STK24: variants seen among roughly 807,000 people sequenced by gnomAD.
STK24 encodes serine/threonine kinase 24.
STK24 carries 21 observed loss-of-function variants against 55.6 expected under a neutral mutation model. The observed-to-expected ratio is 0.38, with a 90% confidence interval of 0.27 to 0.54. The LOEUF (loss-of-function observed/expected upper bound fraction) is 0.54. Ranked by LOEUF, STK24 falls within the 20% of genes least tolerant of loss-of-function variation. The pLI is 0.79. For missense variants in STK24, 383 were observed against 538.4 expected (o/e 0.71, Z 2.86); for synonymous variants, 200 against 215.2 (o/e 0.93, Z 0.62).
intron 9 of STK24, among the ~76,000 whole-genome samples, chr13:98,458,938 T>C (rs112495828): frequency 2.2e-4 from 33 of 152,332 alleles, no homozygotes; most frequent in African/African-American, 7.2e-4. Flanking sequence ...CAAATATCAT[T>C]CTTAAAAATA....
intron 1 of STK24, chr13:98,553,293 G>C (rs561916379): frequency 2.0e-5 from 3 of 152,392 alleles, no homozygotes; most frequent in East Asian, 3.9e-4. Flanking sequence ...ACATGCGTTA[G>C]TGTGCAAACC....
chr13:98,522,152 T>G (rs1346197093), intron 1 of STK24: 1 of 971,510 alleles, frequency 1.0e-6, no homozygotes, highest in Non-Finnish European at 1.2e-6. Context: ...GCCCTCCCCC[T>G]CCTCTGGGTA....
intron 2 of STK24, among the ~76,000 whole-genome samples, chr13:98,487,075 A>G (rs1354597118): frequency 6.6e-6 from 1 of 152,150 alleles, no homozygotes; most frequent in African/African-American, 2.4e-5. Context: ...GGCCCAATTA[A>G]CAATTCTAAG....
chr13:98,503,024 G>GTT lies in STK24; in HGVS notation c.273+16217_273+16218dup, dbSNP rs398038978. On this transcript the variant is annotated intron_variant, in intron 2 of 10. Coordinates refer to ENST00000539966, the MANE Select transcript of STK24 (RefSeq NM_001032296.4). ...AATATATTAGAAATACTTTCCATGT[G>GTT]TTTTTTTTTTTTTTTTTCAGTATGG... Among the ~76,000 whole-genome samples, 561 of 107,038 alleles carry GTT rather than the reference G, an allele frequency of 5.2e-3. 20 individuals are homozygous for GTT. The highest frequency in any genetic ancestry group is 0.01 in the East Asian group (42 of 4,112). The allele number at this position is 107,038 out of a possible 152,430, so 70.2% of individuals were successfully genotyped here.
At chr13:98,463,624 C>A in intron 7 of STK24, 67 bp downstream of exon 7, 2 of 1,507,174 alleles carry the variant, frequency 1.3e-6, no homozygotes, top group South Asian at 1.3e-5. Context: ...AAACCCACAC[C>A]AAACAGTGAC....
intron 1 of STK24, among the ~76,000 whole-genome samples, chr13:98,530,920 C>T (rs1171684959): frequency 6.6e-6 from 1 of 152,138 alleles, no homozygotes; most frequent in Non-Finnish European, 1.5e-5. Context: ...TGAGAATATA[C>T]GAGGTACAAC....
At chr13:98,575,789 A>T (rs1897874694) in intron 1 of STK24, among the ~76,000 whole-genome samples, 1 of 152,208 alleles carries the variant, frequency 6.6e-6, no homozygotes, top group South Asian at 2.1e-4. Context: ...TAAGATTTCC[A>T]TCCTAAGCAT....
At chr13:98,465,438 CACTGGT>C (rs1893891190) in intron 6 of STK24, among the ~76,000 whole-genome samples, 1 of 152,218 alleles carries the variant, frequency 6.6e-6, no homozygotes, top group Non-Finnish European at 1.5e-5. Flanking sequence ...CACACATCTC[CACTGGT>C]GCTGGTGCAT....
At position 98,521,750 on chromosome 13, in the gene STK24, G is replaced by A. The variant is rs758743650; in HGVS notation, c.43-2277C>T. The A allele has an allele frequency of 3.3e-5, 26 of 778,968 alleles. 1 individual carries two copies. The highest frequency in any genetic ancestry group is 1.1e-4 in the South Asian group (8 of 74,308). 48.3% of individuals were successfully genotyped at this position (778,968 alleles called of 1,614,324 possible). On this transcript the variant is annotated intron_variant, in intron 1 of 10. Transcript: ENST00000539966. The stretch of plus-strand genomic sequence containing the variant: ...CCCGTTTTCAGCAGCTACTATCCTC[G>A]CTGCTTTCATGCCCTCTCCCTTACC...
chr13:98,459,833 G>C (rs1002706067), intron 9 of STK24, among the ~76,000 whole-genome samples: 1 of 152,194 alleles, frequency 6.6e-6, no homozygotes, highest in South Asian at 2.1e-4. Context: ...TTCTTATAAA[G>C]CCTACTTTTG....
At chr13:98,556,862 A>G (rs1246158613) in intron 1 of STK24, among the ~76,000 whole-genome samples, 1 of 152,242 alleles carries the variant, frequency 6.6e-6, no homozygotes, top group Non-Finnish European at 1.5e-5. Flanking sequence ...GGTCAAAATG[A>G]TGTATATATT....
intron 10 of STK24, 191 bp from the exon 11 acceptor site, chr13:98,453,400 CA>C: frequency 1.7e-6 from 1 of 603,974 alleles, no homozygotes; most frequent in Non-Finnish European, 2.8e-6. Flanking sequence ...ATGATTCTTA[CA>C]CAAAAACTCC....
At chr13:98,453,675 G>A (rs141875911) in intron 10 of STK24, 80 of 153,902 alleles carry the variant, frequency 5.2e-4, no homozygotes, top group Admixed American at 9.7e-4. Context: ...CAGGAACAAC[G>A]TGTCTGCACA....
At chr13:98,456,244 C>T (rs1893448259) in intron 10 of STK24, 3 of 335,482 alleles carry the variant, frequency 8.9e-6, no homozygotes, top group Non-Finnish European at 1.8e-5. Context: ...TCAATCACTT[C>T]CAAATAGCAA....
chr13:98,551,778 T>C (rs1366641366), intron 1 of STK24, among the ~76,000 whole-genome samples: 2 of 152,204 alleles, frequency 1.3e-5, no homozygotes, highest in African/African-American at 2.4e-5. Flanking sequence ...GTGAGTTCAT[T>C]AAGGACAGCA....
At chr13:98,477,331 T>C (rs1401315509) in intron 3 of STK24, among the ~76,000 whole-genome samples, 3 of 152,190 alleles carry the variant, frequency 2.0e-5, no homozygotes, top group Non-Finnish European at 4.4e-5. Flanking sequence ...TGTTTGCTTT[T>C]GTTCATAATG....
rs1893261115 is a variant in STK24 at position 98,452,838 on chromosome 13, A to G, written c.*335T>C. 2.6e-5 allele frequency: 6 copies of G among 233,726 alleles called. No homozygotes were observed. In the Admixed American group the frequency reaches 2.6e-4, roughly 10 times the overall value. The allele number at this position is 233,726 out of a possible 1,614,324, so 14.5% of individuals were successfully genotyped here. ...GAGGTTTCATGTCTTTAGTTGCCTTATCATAATCCCAAATATACATTTCAG... is the reference window on the plus strand; with the variant it reads ...GAGGTTTCATGTCTTTAGTTGCCTTGTCATAATCCCAAATATACATTTCAG... On this transcript the variant is annotated 3_prime_UTR_variant, in exon 11 of 11. Transcript: ENST00000539966.
rs189929747 is a variant in STK24 at position 98,484,732 on chromosome 13, G to A, written c.274-2411C>T. ...AGCCCTAGCAAGACACCTCAACCAAGTTTTCTGTGTCGCCCTGATCCTTCT... is the reference window on the plus strand; with the variant it reads ...AGCCCTAGCAAGACACCTCAACCAAATTTTCTGTGTCGCCCTGATCCTTCT... On this transcript the variant is annotated intron_variant, in intron 2 of 10. Coordinates refer to ENST00000539966, the MANE Select transcript of STK24 (RefSeq NM_001032296.4). 6.2e-3 allele frequency among the ~76,000 whole-genome samples: 939 copies of A among 152,252 alleles called. 7 individuals are homozygous for A. The highest frequency in any genetic ancestry group is 0.011 in the Non-Finnish European group (719 of 68,016).
chr13:98,551,574 A>C (rs1170164803), intron 1 of STK24, among the ~76,000 whole-genome samples: 1 of 152,040 alleles, frequency 6.6e-6, no homozygotes, highest in Non-Finnish European at 1.5e-5. Context: ...TTTGTCAGGC[A>C]ACCCAAACTG....
Sources: gnomAD v4.1 joint callset for allele counts (sites outside exome capture counted in the v4.1 genomes callset) on GRCh38, gnomAD v4.1.1 for gene constraint, MANE v1.5 for transcripts, NCBI Gene and HGNC (gene_info 2026-07-23, HGNC 2026-07-21) for gene names.